Variants in SOCS7 observed in about 807,000 individuals in gnomAD.
SOCS7 encodes NAP-4.
In SOCS7, 18 loss-of-function variants were observed where a neutral mutation model predicts 58.9. That is an observed-to-expected ratio of 0.31 (90% CI 0.21 to 0.45). The LOEUF (loss-of-function observed/expected upper bound fraction) is 0.45. Ranked by LOEUF, SOCS7 falls within the 20% of genes least tolerant of loss-of-function variation. The pLI is 1.00. For missense variants in SOCS7, 667 were observed against 837.3 expected, an observed-to-expected ratio of 0.80 and a Z score of 2.51; for synonymous variants, 388 against 364.3, an observed-to-expected ratio of 1.06 and a Z score of -0.74.
chr17:38,377,614 C>A, intron 6 of SOCS7, 100 bp from the exon 7 acceptor site: 2 of 1,136,750 alleles, frequency 1.8e-6, no homozygotes, highest in Non-Finnish European at 2.4e-6. Flanking sequence ...CCCCAAACTG[C>A]CCTCCCAAAA....
At chr17:38,384,149 T>C (rs186727494) in intron 7 of SOCS7, among the ~76,000 whole-genome samples, 4 of 152,350 alleles carry the variant, frequency 2.6e-5, no homozygotes, top group Admixed American at 6.5e-5. Context: ...ACCTGCTTTA[T>C]GTTTATTTGT....
intron 9 of SOCS7, 109 bp downstream of exon 9, chr17:38,396,107 TC>T: frequency 1.1e-6 from 1 of 874,634 alleles, no homozygotes; most frequent in Non-Finnish European, 1.6e-6. Context: ...ATAGCCCCGA[TC>T]CAGGCATTTG....
rs541770563 is a variant in SOCS7, at chr17:38,395,278, T to G, written c.1682-31T>G. ...TGGTAGTTAGCTCCATTGTTTCCTC[T>G]GAATACTTTCCTTTGTTTTCTTTCT... On this transcript the variant is annotated intron_variant, in intron 7 of 9. Coordinates refer to ENST00000612932, the MANE Select transcript of SOCS7 (RefSeq NM_014598.4). 6.2e-6 allele frequency: 10 copies of G among 1,611,190 alleles called. No homozygotes were observed. In the Admixed American group the frequency reaches 1.5e-4, roughly 24 times the overall value.
At chr17:38,374,944 A>G (rs1305893481) in intron 6 of SOCS7, among the ~76,000 whole-genome samples, 3 of 152,234 alleles carry the variant, frequency 2.0e-5, no homozygotes, top group African/African-American at 7.2e-5. Flanking sequence ...TTGGTACCAT[A>G]TAGAAACATT....
At chr17:38,371,335 C>T (rs992521442) in intron 6 of SOCS7, among the ~76,000 whole-genome samples, 7 of 151,006 alleles carry the variant, frequency 4.6e-5, no homozygotes, top group Non-Finnish European at 7.4e-5. Flanking sequence ...AGTGCAGTGG[C>T]GCGATCTCAG....
At chr17:38,372,768 T>C (rs2019844028) in intron 6 of SOCS7, among the ~76,000 whole-genome samples, 1 of 152,176 alleles carries the variant, frequency 6.6e-6, no homozygotes, top group South Asian at 2.1e-4. Flanking sequence ...GCTGTGGTTG[T>C]TCACCATTTC....
At chr17:38,381,212 G>C (rs1328673253) in intron 7 of SOCS7, among the ~76,000 whole-genome samples, 2 of 152,156 alleles carry the variant, frequency 1.3e-5, no homozygotes, top group Non-Finnish European at 2.9e-5. Flanking sequence ...GGGCAAAGCA[G>C]AGCTATTGCC....
intron 7 of SOCS7, among the ~76,000 whole-genome samples, chr17:38,379,154 T>A (rs1367148078): frequency 1.6e-5 from 2 of 126,456 alleles, no homozygotes; most frequent in African/African-American, 3.1e-5. Context: ...CGAGACCCTG[T>A]CTCAAAAAAA....
At chr17:38,389,863 G>GTATATATATATATATATAGA (rs1261982144) in intron 7 of SOCS7, among the ~76,000 whole-genome samples, 1 of 22,322 alleles carries the variant, frequency 4.5e-5, no homozygotes, top group Admixed American at 6.2e-4. Flanking sequence ...GTGTGTATGT[G>GTATATATATATATATATAGA]TGTACATATA....
chr17:38,364,474 A>G (rs1472230556), intron 2 of SOCS7, among the ~76,000 whole-genome samples: 1 of 152,236 alleles, frequency 6.6e-6, no homozygotes, highest in African/African-American at 2.4e-5. Context: ...GGTACGTTGT[A>G]AGTCAGTGGC....
chr17:38,371,797 A>G, intron 6 of SOCS7, among the ~76,000 whole-genome samples: 1 of 129,438 alleles, frequency 7.7e-6, no homozygotes, highest in South Asian at 2.3e-4. Context: ...TTCCTTTGGA[A>G]TCTGGTGCTT....
chr17:38,374,041 C>T (rs571179237), intron 6 of SOCS7, among the ~76,000 whole-genome samples: 6 of 150,718 alleles, frequency 4.0e-5, no homozygotes, highest in South Asian at 4.2e-4. Flanking sequence ...GCCAACATGG[C>T]GAAACCCTGT....
intron 7 of SOCS7, among the ~76,000 whole-genome samples, chr17:38,387,082 T>TAAAAAAA (rs1214323571): frequency 8.2e-5 from 4 of 48,664 alleles, no homozygotes; most frequent in African/African-American, 1.4e-4. Flanking sequence ...ACTCTTATCT[T>TAAAAAAA]AAAAAAAAAA....
intron 6 of SOCS7, 35 bp downstream of exon 6, chr17:38,368,085 C>T (rs780188054): frequency 1.1e-5 from 17 of 1,547,602 alleles, no homozygotes; most frequent in South Asian, 9.6e-5. Context: ...TTCTTCCCCC[C>T]TTGATTTGCT....
At chr17:38,365,713 A>G (rs2037780541) in intron 4 of SOCS7, 3 of 281,404 alleles carry the variant, frequency 1.1e-5, no homozygotes, top group African/African-American at 2.2e-5. Context: ...AAACTGCCTT[A>G]ATTTCAGGAT....
At chr17:38,398,457 G>T (rs1277376702) in intron 9 of SOCS7, among the ~76,000 whole-genome samples, 1 of 151,844 alleles carries the variant, frequency 6.6e-6, no homozygotes, top group South Asian at 2.1e-4. Context: ...TTGTCAGTTG[G>T]GTCTCAAACT....
intron 2 of SOCS7, among the ~76,000 whole-genome samples, chr17:38,363,180 C>T (rs41358145): frequency 3.9e-5 from 6 of 152,196 alleles, no homozygotes; most frequent in Admixed American, 6.5e-5. Flanking sequence ...TCTTGAATGA[C>T]GTCCTTTATG....
chr17:38,383,311 A>G (rs1215250607), intron 7 of SOCS7, among the ~76,000 whole-genome samples: 2 of 152,200 alleles, frequency 1.3e-5, no homozygotes, highest in Non-Finnish European at 2.9e-5. Flanking sequence ...CCTGACACAG[A>G]GTAAGCACTC....
At position 38,368,005 on chromosome 17, in the gene SOCS7, C is replaced by A. The variant is rs753075845; in HGVS notation, c.1507C>A (p.Arg503=). Residue 503 remains arginine (R), a synonymous_variant, in exon 6 of 10, where the codon CGA becomes AGA. Coordinates refer to ENST00000612932, the MANE Select transcript of SOCS7 (RefSeq NM_014598.4). ...TCGTTACATCCTGAGCCTCAGTTTCCGATCACAGGGTATCACCCACCACAC... is the reference window on the plus strand; with the variant it reads ...TCGTTACATCCTGAGCCTCAGTTTCAGATCACAGGGTATCACCCACCACAC... ...DPRYILSLSF[R]SQGITHHTRM... 4 of 1,614,048 alleles carry A rather than the reference C, an allele frequency of 2.5e-6. No homozygotes were observed. The East Asian group carries it at 8.9e-5, about 36-fold the overall frequency.
Sources: gnomAD v4.1 joint callset for allele counts (sites outside exome capture counted in the v4.1 genomes callset) on GRCh38, gnomAD v4.1.1 for gene constraint, MANE v1.5 for transcripts, NCBI Gene and HGNC (gene_info 2026-07-23, HGNC 2026-07-21) for gene names.